PCDH9: variants seen among roughly 807,000 people sequenced by gnomAD.
The protein encoded by PCDH9 is protocadherin 9.
PCDH9 carries 24 observed loss-of-function variants against 70.6 expected under a neutral mutation model. The ratio of observed to expected loss-of-function variants is 0.34; its 90% confidence interval spans 0.25 to 0.48. The LOEUF (loss-of-function observed/expected upper bound fraction) is 0.48, where lower values mean the gene tolerates loss of function less well. Among genes scored for constraint, PCDH9 ranks in the 20% least tolerant of loss-of-function variants. The pLI is 0.99. For missense variants in PCDH9, 1,281 were observed against 1,503.6 expected (o/e 0.85, Z 2.45); for synonymous variants, 562 against 558.5 (o/e 1.01, Z -0.09).
chr13:66,888,392 C>T (rs1361527760), intron 3 of PCDH9, among the ~76,000 whole-genome samples: 1 of 151,818 alleles, frequency 6.6e-6, no homozygotes, highest in Non-Finnish European at 1.5e-5. Context: ...GTCCCAGCTA[C>T]TCGGGAGGCT....
intron 2 of PCDH9, among the ~76,000 whole-genome samples, chr13:67,138,035 G>A (rs1247213444): frequency 3.3e-5 from 5 of 151,618 alleles, no homozygotes; most frequent in African/African-American, 1.2e-4. Flanking sequence ...TACCTAAAGT[G>A]GTATTTATAA....
At chr13:66,681,512 T>A (rs955858717) in intron 3 of PCDH9, among the ~76,000 whole-genome samples, 1 of 152,098 alleles carries the variant, frequency 6.6e-6, no homozygotes, top group Non-Finnish European at 1.5e-5. Context: ...CCTCCATCTG[T>A]ATTGTCTGAG....
At chr13:67,130,988 C>T (rs887798083) in intron 2 of PCDH9, among the ~76,000 whole-genome samples, 1 of 152,128 alleles carries the variant, frequency 6.6e-6, no homozygotes, top group Non-Finnish European at 1.5e-5. Context: ...ATAGTTTTTA[C>T]ATACTCTAAT....
At chr13:67,201,295 T>C (rs2089205746) in intron 2 of PCDH9, 1 of 152,012 alleles carries the variant, frequency 6.6e-6, no homozygotes, top group Non-Finnish European at 1.5e-5. Flanking sequence ...TTTTACAAAA[T>C]ATAGCCAAAA....
At chr13:67,071,407 C>A (rs2085759492) in intron 2 of PCDH9, among the ~76,000 whole-genome samples, 1 of 152,110 alleles carries the variant, frequency 6.6e-6, no homozygotes, top group Non-Finnish European at 1.5e-5. Context: ...ATAATTTCTA[C>A]CTTTGCCAAA....
At chr13:66,329,825 T>C (rs1313423276) in intron 4 of PCDH9, among the ~76,000 whole-genome samples, 1 of 152,164 alleles carries the variant, frequency 6.6e-6, no homozygotes, top group Non-Finnish European at 1.5e-5. Context: ...ATGATACAGA[T>C]AGCACTATAT....
intron 4 of PCDH9, among the ~76,000 whole-genome samples, chr13:66,599,758 G>C (rs953303092): frequency 6.6e-6 from 1 of 151,656 alleles, no homozygotes; most frequent in Non-Finnish European, 1.5e-5. Context: ...AAAAAGTGCT[G>C]AGATTGTACT....
chr13:67,151,120 T>C (rs2087648444), intron 2 of PCDH9, among the ~76,000 whole-genome samples: 1 of 152,170 alleles, frequency 6.6e-6, no homozygotes, highest in Non-Finnish European at 1.5e-5. Flanking sequence ...GGAAGGCTCA[T>C]CCTCTTCTTG....
At chr13:66,583,555 A>G (rs913920225) in intron 4 of PCDH9, among the ~76,000 whole-genome samples, 2 of 151,828 alleles carry the variant, frequency 1.3e-5, no homozygotes, top group African/African-American at 4.8e-5. Flanking sequence ...CGGAAGTTAC[A>G]GTGCGCTGAG....
intron 2 of PCDH9, chr13:67,213,723 T>C (rs1440705046): frequency 6.6e-6 from 1 of 152,122 alleles, no homozygotes; most frequent in African/African-American, 2.4e-5. Context: ...AAAGAATGAG[T>C]ATTTTAATTT....
intron 4 of PCDH9, among the ~76,000 whole-genome samples, chr13:66,624,663 G>GT: frequency 6.6e-6 from 1 of 152,188 alleles, no homozygotes; most frequent in Non-Finnish European, 1.5e-5. Flanking sequence ...TAATGGAGCA[G>GT]TTATCAGTTT....
chr13:66,840,638 C>G (rs2081100579), intron 3 of PCDH9, among the ~76,000 whole-genome samples: 1 of 152,304 alleles, frequency 6.6e-6, no homozygotes, highest in South Asian at 2.1e-4. Flanking sequence ...AGGCAAAAAC[C>G]TAAACTGTTG....
chr13:67,013,007 CAT>C (rs2084481435), intron 2 of PCDH9, among the ~76,000 whole-genome samples: 2 of 151,734 alleles, frequency 1.3e-5, no homozygotes, highest in African/African-American at 4.8e-5. Context: ...TCAATGTGTG[CAT>C]GTGTGTGTGT....
chr13:66,988,268 T>C (rs1038207008), intron 2 of PCDH9, among the ~76,000 whole-genome samples: 1 of 152,066 alleles, frequency 6.6e-6, no homozygotes, highest in Non-Finnish European at 1.5e-5. Flanking sequence ...GATTGCAATA[T>C]GAAAAATTAA....
chr13:67,044,312 C>A (rs578230360), intron 2 of PCDH9, among the ~76,000 whole-genome samples: 2 of 152,010 alleles, frequency 1.3e-5, no homozygotes, highest in Non-Finnish European at 2.9e-5. Context: ...AGAAATATAA[C>A]CTTACAACAT....
At chr13:66,548,975 T>G (rs1351796745) in intron 4 of PCDH9, among the ~76,000 whole-genome samples, 1 of 152,074 alleles carries the variant, frequency 6.6e-6, no homozygotes, top group Non-Finnish European at 1.5e-5. Flanking sequence ...TTTTAAAGTT[T>G]CTTTTATTTG....
intron 3 of PCDH9, among the ~76,000 whole-genome samples, chr13:66,643,749 G>A (rs1454512975): frequency 6.6e-6 from 1 of 152,024 alleles, no homozygotes; most frequent in Non-Finnish European, 1.5e-5. Flanking sequence ...TGTGGATAGA[G>A]CAATCTAGAA....
At chr13:66,368,818 A>G (rs1956595234) in intron 4 of PCDH9, among the ~76,000 whole-genome samples, 1 of 152,048 alleles carries the variant, frequency 6.6e-6, no homozygotes, top group East Asian at 1.9e-4. Context: ...CACGTCTTAC[A>G]TGGATGGCAG....
intron 2 of PCDH9, among the ~76,000 whole-genome samples, chr13:67,106,933 G>A (rs780645702): frequency 2.6e-5 from 4 of 152,346 alleles, no homozygotes; most frequent in Middle Eastern, 3.4e-3. Flanking sequence ...GGCCCCCTGT[G>A]TAATTTGGGT....
Sources: allele counts gnomAD v4.1 joint callset (sites outside exome capture counted in the v4.1 genomes callset), GRCh38; gene constraint gnomAD v4.1.1; transcripts MANE v1.5; gene names NCBI Gene and HGNC (gene_info 2026-07-23, HGNC 2026-07-21).